CTTNBP2: variants seen among roughly 807,000 people sequenced by gnomAD.
CTTNBP2 encodes the protein cortactin binding protein 2, also known as cortactin-binding protein 2.
A neutral mutation model predicts 156.9 loss-of-function variants in CTTNBP2; 108 were observed. The ratio of observed to expected loss-of-function variants is 0.69; its 90% CI spans 0.59 to 0.81. The LOEUF is 0.81. Among genes scored for constraint, CTTNBP2 ranks in the 30% least tolerant of loss-of-function variants. The pLI is 0.00. For synonymous variants in CTTNBP2, 767 were observed against 751.8 expected, an observed-to-expected ratio of 1.02 and a Z score of -0.33; for missense variants, 1,924 against 2,035.4, an observed-to-expected ratio of 0.95 and a Z score of 1.05.
chr7:117,750,008 A>G lies in CTTNBP2; in HGVS notation c.3349-3909T>C, dbSNP rs117208477. 5.9e-5 allele frequency among the ~76,000 whole-genome samples: 9 copies of G among 152,326 alleles called. No individual in the cohort carries two copies. The East Asian group carries it at 1.7e-3, about 29-fold the overall frequency. On this transcript the variant is annotated intron_variant, in intron 12 of 22. Transcript: ENST00000160373. ...AATTAATCCCAAATCGCTATGATTT[A>G]TTGGGTAGAATTTTTTTTCACAAGT...
At chr7:117,717,765 A>G (rs1428539214) in intron 22 of CTTNBP2, among the ~76,000 whole-genome samples, 1 of 151,616 alleles carries the variant, frequency 6.6e-6, no homozygotes, top group Non-Finnish European at 1.5e-5. Context: ...AAACATGGAG[A>G]TCTCAACAGA....
intron 3 of CTTNBP2, among the ~76,000 whole-genome samples, chr7:117,797,873 C>A (rs1043193747): frequency 6.6e-6 from 1 of 151,754 alleles, no homozygotes; most frequent in Non-Finnish European, 1.5e-5. Context: ...AGACAGAATG[C>A]AGAAGAAAAA....
In CTTNBP2 at chr7:117,791,666, A is replaced by G. The variant is rs1261470486; in HGVS notation, c.1530T>C (p.Pro510=). Residue 510 remains proline (P), a synonymous_variant, in exon 4 of 23, where the codon CCT becomes CCC. Coordinates refer to ENST00000160373, the MANE Select transcript of CTTNBP2 (RefSeq NM_033427.3). ...TSPQAGAPSR[P]GVPPTGDVGT... The stretch of plus-strand genomic sequence containing the variant: ...CAACATCCCCTGTTGGGGGCACTCC[A>G]GGCCTTGAGGGAGCACCTGCTTGAG... The G allele has an allele frequency of 1.1e-5, 17 of 1,614,182 alleles. No individual in the cohort carries two copies. Among genetic ancestry groups the G allele is most frequent in the Non-Finnish European group, 1.4e-5 (17 of 1,180,032 alleles).
chr7:117,749,725 C>T (rs905019172), intron 12 of CTTNBP2, among the ~76,000 whole-genome samples: 7 of 151,382 alleles, frequency 4.6e-5, no homozygotes, highest in African/African-American at 1.7e-4. Context: ...TTTTTAATCA[C>T]CAGGAAGATG....
chr7:117,761,530 T>C (rs375102129), intron 9 of CTTNBP2, among the ~76,000 whole-genome samples: 166 of 152,334 alleles, frequency 1.1e-3, no homozygotes, highest in African/African-American at 3.9e-3. Context: ...AAGTATTCCA[T>C]AAATTGATGA....
At chr7:117,872,092 A>C (rs149409940) in intron 1 of CTTNBP2, 1 of 493,866 alleles carries the variant, frequency 2.0e-6, no homozygotes, top group African/African-American at 2.1e-5. Context: ...AAAAGTTCAA[A>C]TCAAAACTTG....
intron 14 of CTTNBP2, among the ~76,000 whole-genome samples, chr7:117,744,825 A>C (rs1347453026): frequency 1.3e-5 from 2 of 152,194 alleles, no homozygotes; most frequent in Non-Finnish European, 2.9e-5. Flanking sequence ...TGTGCCCCAG[A>C]AATCGAGGCT....
chr7:117,853,089 C>T (rs1311727707), intron 2 of CTTNBP2, among the ~76,000 whole-genome samples: 1 of 152,164 alleles, frequency 6.6e-6, no homozygotes, highest in Non-Finnish European at 1.5e-5. Flanking sequence ...AGCTTCATCT[C>T]CATCCCCTGT....
rs1795081175 is a variant in CTTNBP2 at position 117,726,098 on chromosome 7, G to A, written c.4056-841C>T. 3.3e-5 allele frequency among the ~76,000 whole-genome samples: 5 copies of A among 152,304 alleles called. No homozygotes were observed. In the South Asian group the frequency reaches 1.0e-3, roughly 32 times the overall value. ...GGGGGTCAATCAGCTATCACCTCAG[G>A]TGGACTGTTTGCATTAATAGCCATA... On this transcript the variant is annotated intron_variant, in intron 17 of 22. Coordinates refer to ENST00000160373, the MANE Select transcript of CTTNBP2 (RefSeq NM_033427.3).
At chr7:117,847,503 C>T (rs1178003449) in intron 2 of CTTNBP2, among the ~76,000 whole-genome samples, 1 of 152,186 alleles carries the variant, frequency 6.6e-6, no homozygotes, top group Non-Finnish European at 1.5e-5. Flanking sequence ...CCACTGCACT[C>T]CAGCCTGGGC....
intron 8 of CTTNBP2, among the ~76,000 whole-genome samples, chr7:117,773,271 A>G (rs942572833): frequency 6.6e-5 from 10 of 152,200 alleles, no homozygotes; most frequent in African/African-American, 2.4e-4. Flanking sequence ...TTGGGGCGTC[A>G]TGTGGACCTT....
At chr7:117,749,635 T>C (rs936330955) in intron 12 of CTTNBP2, among the ~76,000 whole-genome samples, 22 of 152,120 alleles carry the variant, frequency 1.4e-4, no homozygotes, top group Admixed American at 9.2e-4. Flanking sequence ...AAGAATATCA[T>C]AGTGCTGCAA....
In CTTNBP2 at chr7:117,820,865, TAA is replaced by T. The variant is rs549671361; in HGVS notation, c.190-9878_190-9877del. Among the ~76,000 whole-genome samples, 124 of 152,344 alleles carry T rather than the reference TAA, an allele frequency of 8.1e-4. 1 individual carries two copies. Among genetic ancestry groups the T allele is most frequent in the Middle Eastern group, 3.4e-3 (1 of 294 alleles). On this transcript the variant is annotated intron_variant, in intron 2 of 22. Transcript: ENST00000160373. Reference sequence around the variant, plus strand: ...TTTTAGAATCAGTTTGTAAGATTTTTAAAAGTCTCCTGAAATTTTAATTGAGT... The same window carrying T: ...TTTTAGAATCAGTTTGTAAGATTTTTAAGTCTCCTGAAATTTTAATTGAGT...
At chr7:117,765,644 C>T (rs1398596718) in intron 9 of CTTNBP2, among the ~76,000 whole-genome samples, 5 of 152,126 alleles carry the variant, frequency 3.3e-5, no homozygotes, top group Non-Finnish European at 7.3e-5. Flanking sequence ...CTCCTTAATC[C>T]TCAATTTTAG....
rs1389784371 is a variant in CTTNBP2, at chr7:117,861,768, ACT to A, written c.82-454_82-453del. On this transcript the variant is annotated intron_variant, in intron 1 of 22. Coordinates refer to ENST00000160373, the MANE Select transcript of CTTNBP2 (RefSeq NM_033427.3). ...CAATAATAATAGGTCATGCTTATAC[ACT>A]CTGCAGCAGAGGCCACCAGCTGGCA... Among the ~76,000 whole-genome samples, 5 of 151,980 alleles carry A rather than the reference ACT, an allele frequency of 3.3e-5. No individual in the cohort carries two copies. In the East Asian group the frequency reaches 9.7e-4, roughly 29 times the overall value.
chr7:117,719,365 TA>T, intron 21 of CTTNBP2, 138 bp downstream of exon 21: 1 of 784,764 alleles, frequency 1.3e-6, no homozygotes, highest in Non-Finnish European at 1.9e-6. Context: ...ACGGCCTTTC[TA>T]AGCAAGGTGA....
rs1034074995 is a variant in CTTNBP2 at position 117,782,765 on chromosome 7, C to T, written c.2372+97G>A. ...GAATTTATTTGCCAGTGATTTTAAG[C>T]ACTAGTTTACACATTCAGCCGGAAC... is the stretch of plus-strand genomic sequence containing the variant. On this transcript the variant is annotated intron_variant, in intron 6 of 22. Coordinates refer to ENST00000160373, the MANE Select transcript of CTTNBP2 (RefSeq NM_033427.3). The T allele has an allele frequency of 5.7e-6, 4 of 702,182 alleles. No homozygotes were observed. In the African/African-American group the frequency reaches 7.2e-5, roughly 13 times the overall value. 43.5% of individuals were successfully genotyped at this position (702,182 alleles called of 1,614,324 possible).
At chr7:117,757,757 C>T (rs1796966977) in intron 11 of CTTNBP2, 118 bp downstream of exon 11, 9 of 618,908 alleles carry the variant, frequency 1.5e-5, no homozygotes, top group Non-Finnish European at 2.0e-5. Context: ...AGTGGTGGAA[C>T]TCACATGTGC....
rs748271803 is a variant in CTTNBP2, at chr7:117,760,586, A to G, written c.3021T>C (p.Asp1007=). 67 of 1,614,044 alleles carry G rather than the reference A, an allele frequency of 4.2e-5. No homozygotes were observed. The highest frequency in any genetic ancestry group is 5.3e-5 in the Non-Finnish European group (63 of 1,180,024). Residue 1007 remains aspartate (D), a synonymous_variant, in exon 10 of 23, where the codon GAT becomes GAC. Coordinates refer to ENST00000160373, the MANE Select transcript of CTTNBP2 (RefSeq NM_033427.3). ...ALNIRKQTSW[D]DFSKAVSQAL... The stretch of plus-strand genomic sequence containing the variant: ...CTTGACTCACTGCTTTTGAAAAATC[A>G]TCCCATGATGTCTGTTTGCGGATAT...
Sources: allele counts gnomAD v4.1 joint callset (sites outside exome capture counted in the v4.1 genomes callset), GRCh38; gene constraint gnomAD v4.1.1; transcripts MANE v1.5; gene names NCBI Gene and HGNC (gene_info 2026-07-23, HGNC 2026-07-21).